STK3: variants seen among roughly 807,000 people sequenced by gnomAD.
STK3 encodes the protein serine/threonine-protein kinase 3.
Under a neutral mutation model 58.0 loss-of-function variants are expected in STK3, and 41 were observed. The ratio of observed to expected loss-of-function variants is 0.71; its 90% CI spans 0.55 to 0.92. STK3 has a LOEUF of 0.92. Among genes scored for constraint, STK3 ranks in the 40% least tolerant of loss-of-function variants. The probability of loss-of-function intolerance (pLI) is 0.00; values close to 1 mark genes in which losing one functional copy is unlikely to be tolerated. For synonymous variants in STK3, 170 were observed against 191.0 expected (o/e 0.89, Z 0.91); for missense variants, 479 against 602.7 (o/e 0.79, Z 2.15).
intron 6 of STK3, among the ~76,000 whole-genome samples, chr8:98,650,370 C>A (rs750912140): frequency 6.6e-6 from 1 of 152,220 alleles, no homozygotes; most frequent in Non-Finnish European, 1.5e-5. Context: ...CCAAGATGAC[C>A]GAATAGGAAC....
At chr8:98,397,334 G>T (rs1437558075), downstream of STK3, among the ~76,000 whole-genome samples, 1 of 152,206 alleles carries the variant, frequency 6.6e-6, no homozygotes, top group Non-Finnish European at 1.5e-5. Context: ...TTCAAAACTA[G>T]CCTGGGCAAC....
intron 6 of STK3, among the ~76,000 whole-genome samples, chr8:98,698,674 G>T (rs927708629): frequency 1.4e-4 from 22 of 152,290 alleles, no homozygotes; most frequent in African/African-American, 3.4e-4. Context: ...TTTTCTTTAA[G>T]AATGTTGAAT....
intron 1 of STK3, among the ~76,000 whole-genome samples, chr8:98,941,559 C>T (rs1295989929): frequency 6.6e-6 from 1 of 152,192 alleles, no homozygotes; most frequent in Non-Finnish European, 1.5e-5. Flanking sequence ...GATCCGAGTC[C>T]GAGTGGGAGA....
intron 10 of STK3, among the ~76,000 whole-genome samples, chr8:98,472,996 TA>T (rs935285726): frequency 1.3e-5 from 2 of 152,182 alleles, no homozygotes; most frequent in Non-Finnish European, 2.9e-5. Context: ...AGCATTTTTG[TA>T]ATTACTTAAA....
chr8:98,384,746 C>T (rs1163846742), intron 1 of STK3, among the ~76,000 whole-genome samples: 2 of 152,180 alleles, frequency 1.3e-5, no homozygotes, highest in Non-Finnish European at 2.9e-5. Context: ...CTCCTGCTGG[C>T]CCCATGTCTG....
intron 3 of STK3, among the ~76,000 whole-genome samples, chr8:98,840,493 G>A (rs1033196234): frequency 2.7e-5 from 4 of 146,588 alleles, no homozygotes; most frequent in Non-Finnish European, 4.5e-5. Context: ...GATCTCTTGA[G>A]CCCTGGAGGT....
intron 4 of STK3, among the ~76,000 whole-genome samples, chr8:98,738,895 G>A (rs1415151659): frequency 6.6e-6 from 1 of 152,266 alleles, no homozygotes; most frequent in East Asian, 1.9e-4. Context: ...CCCGAATACT[G>A]CGCTTTTCCG....
intron 6 of STK3, among the ~76,000 whole-genome samples, chr8:98,650,715 G>A (rs771916082): frequency 2.2e-4 from 34 of 152,194 alleles, no homozygotes; most frequent in Non-Finnish European, 7.3e-5. Flanking sequence ...AGGGTCCTAC[G>A]CCCACGGAGT....
chr8:98,852,278 G>A (rs1174779411), intron 3 of STK3, among the ~76,000 whole-genome samples: 1 of 152,052 alleles, frequency 6.6e-6, no homozygotes, highest in East Asian at 1.9e-4. Context: ...GGGATTACAG[G>A]TGCCCACACC....
At chr8:98,936,007 C>T (rs1200862797) in intron 1 of STK3, among the ~76,000 whole-genome samples, 1 of 152,050 alleles carries the variant, frequency 6.6e-6, no homozygotes, top group Non-Finnish European at 1.5e-5. Context: ...AGCTCCACCT[C>T]CCGGGTTCAT....
At chr8:98,752,111 T>C (rs1830023705) in intron 3 of STK3, among the ~76,000 whole-genome samples, 1 of 152,092 alleles carries the variant, frequency 6.6e-6, no homozygotes, top group Admixed American at 6.5e-5. Flanking sequence ...GAAATTCATA[T>C]GGAACCAAAA....
At chr8:98,361,655 C>T in the STK3 span, among the ~76,000 whole-genome samples, 1 of 152,158 alleles carries the variant, frequency 6.6e-6, no homozygotes, top group Non-Finnish European at 1.5e-5. Flanking sequence ...AAATGCCTGC[C>T]TCCAGTCCCC....
chr8:98,538,219 C>T (rs1042658778), intron 9 of STK3, among the ~76,000 whole-genome samples: 3 of 152,052 alleles, frequency 2.0e-5, no homozygotes, highest in African/African-American at 4.8e-5. Flanking sequence ...TAATGGCCTT[C>T]GAAATGTGTC....
intron 1 of STK3, among the ~76,000 whole-genome samples, chr8:98,795,401 A>G (rs1247537717): frequency 2.6e-5 from 4 of 151,788 alleles, no homozygotes; most frequent in African/African-American, 9.7e-5. Flanking sequence ...TCAAAACAGT[A>G]AGAGCCATCT....
At chr8:98,382,840 C>T (rs1295949966) in intron 1 of STK3, among the ~76,000 whole-genome samples, 1 of 152,178 alleles carries the variant, frequency 6.6e-6, no homozygotes, top group East Asian at 1.9e-4. Flanking sequence ...AGCAAAGAGG[C>T]GGCCGGCTGG....
chr8:98,457,396 T>G (rs17311904), intron 10 of STK3, among the ~76,000 whole-genome samples: 2,765 of 152,280 alleles, frequency 0.018, 52 homozygotes, highest in South Asian at 0.085. Context: ...CACAACCACA[T>G]TTCCCAAGAA....
chr8:98,345,882 C>A, the STK3 span, among the ~76,000 whole-genome samples: 2 of 152,032 alleles, frequency 1.3e-5, no homozygotes, highest in Non-Finnish European at 2.9e-5. Flanking sequence ...CTGGATGGAA[C>A]TGATGGCAGA....
intron 6 of STK3, among the ~76,000 whole-genome samples, chr8:98,623,646 T>C (rs550996512): frequency 6.6e-6 from 1 of 152,292 alleles, no homozygotes; most frequent in Admixed American, 6.5e-5. Context: ...TAGCCAGGCA[T>C]GGTGGTGTGC....
chr8:98,469,845 G>A (rs1820784545), intron 10 of STK3, among the ~76,000 whole-genome samples: 1 of 152,220 alleles, frequency 6.6e-6, no homozygotes, highest in African/African-American at 2.4e-5. Context: ...ACACAGCTAT[G>A]TGGCTGCTGA....
Sources: gnomAD v4.1 joint callset for allele counts (sites outside exome capture counted in the v4.1 genomes callset) on GRCh38, gnomAD v4.1.1 for gene constraint, MANE v1.5 for transcripts, NCBI Gene and HGNC (gene_info 2026-07-23, HGNC 2026-07-21) for gene names.